The following CACNA1E variants were observed in gnomAD, a reference collection of about 807,000 sequenced individuals.
CACNA1E encodes calcium voltage-gated channel subunit alpha1 E.
CACNA1E carries 40 observed loss-of-function variants against 259.2 expected under a neutral mutation model. The observed-to-expected ratio is 0.15, with a 90% CI of 0.12 to 0.20. CACNA1E has a LOEUF of 0.20. CACNA1E is among the 10% of genes least tolerant of loss of function. The probability of loss-of-function intolerance (pLI) is 1.00; values close to 1 mark genes in which losing one functional copy is unlikely to be tolerated. For missense variants in CACNA1E, 1,874 were observed against 3,040.1 expected (o/e 0.62, Z 9.02); for synonymous variants, 1,104 against 1,138.5 (o/e 0.97, Z 0.61).
intron 3 of CACNA1E, among the ~76,000 whole-genome samples, chr1:181,512,326 A>G (rs1267925633): frequency 6.6e-6 from 1 of 152,134 alleles, no homozygotes; most frequent in Non-Finnish European, 1.5e-5. Context: ...AAAGCTGGGC[A>G]CTGAGGAGTG....
Position 181,806,983 on chromosome 1 carries a change from G to C in CACNA1E, c.*8149G>C, listed in dbSNP as rs771061244. The C allele has an allele frequency of 5.3e-5, 8 of 152,030 alleles. No homozygotes were observed. The highest frequency in any genetic ancestry group is 1.2e-4 in the Non-Finnish European group (8 of 68,024). 9.4% of individuals were successfully genotyped at this position (152,030 alleles called of 1,614,324 possible). ...CCCAAGGACATCCTGGCTCTGAAAG[G>C]TTTTCTTTTGTTAAAAAATGCACTT... On this transcript the variant is annotated 3_prime_UTR_variant, in exon 48 of 48. Coordinates refer to ENST00000367573, the MANE Select transcript of CACNA1E (RefSeq NM_001205293.3).
At chr1:181,343,889 C>T (rs367744862) in intron 1 of CACNA1E, among the ~76,000 whole-genome samples, 81 of 152,120 alleles carry the variant, frequency 5.3e-4, no homozygotes, top group African/African-American at 1.8e-3. Flanking sequence ...CCTGGGTGGT[C>T]TGCCTCCCCG....
chr1:181,709,627 A>T (rs1653137322), intron 7 of CACNA1E, among the ~76,000 whole-genome samples: 1 of 151,326 alleles, frequency 6.6e-6, no homozygotes, highest in Non-Finnish European at 1.5e-5. Context: ...CCTCAGATTC[A>T]GTCTGCAGCT....
chr1:181,452,885 C>A (rs958399792), intron 2 of CACNA1E, among the ~76,000 whole-genome samples: 8 of 152,186 alleles, frequency 5.3e-5, no homozygotes, highest in African/African-American at 1.9e-4. Flanking sequence ...AACACCCTAC[C>A]ACCTTTTTCT....
At chr1:181,682,728 T>A (rs1436178323) in intron 7 of CACNA1E, among the ~76,000 whole-genome samples, 1 of 152,172 alleles carries the variant, frequency 6.6e-6, no homozygotes, top group African/African-American at 2.4e-5. Flanking sequence ...TGGCACGTCT[T>A]ACATGGCAGG....
upstream of CACNA1E, among the ~76,000 whole-genome samples, chr1:181,481,992 C>T (rs762549175): frequency 1.1e-4 from 17 of 152,168 alleles, no homozygotes; most frequent in Non-Finnish European, 2.4e-4. Flanking sequence ...CAGGAGACGT[C>T]GGGCAGGGCT....
At chr1:181,349,380 T>G (rs971767057) in intron 1 of CACNA1E, among the ~76,000 whole-genome samples, 8 of 152,136 alleles carry the variant, frequency 5.3e-5, no homozygotes, top group African/African-American at 1.9e-4. Flanking sequence ...GGAGCCCCAG[T>G]CTTGTTGGGA....
At chr1:181,671,755 G>C (rs570030012) in intron 7 of CACNA1E, among the ~76,000 whole-genome samples, 1 of 152,262 alleles carries the variant, frequency 6.6e-6, no homozygotes, top group East Asian at 1.9e-4. Context: ...AACAAAAACC[G>C]GAGCAATAGG....
At chr1:181,787,300 C>T (rs1227601067) in intron 43 of CACNA1E, among the ~76,000 whole-genome samples, 2 of 151,958 alleles carry the variant, frequency 1.3e-5, no homozygotes, top group South Asian at 2.1e-4. Context: ...TTAGTAGAGA[C>T]GGGGTTTCAC....
chr1:181,678,715 C>G (rs1649626350), intron 7 of CACNA1E, among the ~76,000 whole-genome samples: 1 of 152,126 alleles, frequency 6.6e-6, no homozygotes, highest in Admixed American at 6.5e-5. Context: ...CCTCATTCTT[C>G]ATTTAATTAG....
chr1:181,358,090 A>G (rs2101907343), intron 1 of CACNA1E, among the ~76,000 whole-genome samples: 1 of 152,194 alleles, frequency 6.6e-6, no homozygotes, highest in South Asian at 2.1e-4. Flanking sequence ...GAGGGGTTTG[A>G]CAACTCCTGC....
intron 6 of CACNA1E, among the ~76,000 whole-genome samples, chr1:181,600,201 G>A (rs1653601239): frequency 6.6e-6 from 1 of 152,206 alleles, no homozygotes; most frequent in African/African-American, 2.4e-5. Context: ...CAAAGTGGTT[G>A]CTTGGCAGGT....
intron 25 of CACNA1E, 87 bp from the exon 26 acceptor site, chr1:181,750,389 A>T: frequency 8.7e-7 from 1 of 1,152,924 alleles, no homozygotes; most frequent in Non-Finnish European, 1.3e-6. Context: ...AAGTGTTCTG[A>T]CTGTCTTTCT....
intron 6 of CACNA1E, among the ~76,000 whole-genome samples, chr1:181,636,952 A>G (rs1277145750): frequency 1.3e-5 from 2 of 152,202 alleles, no homozygotes; most frequent in Non-Finnish European, 2.9e-5. Flanking sequence ...AACCTTCTCC[A>G]AAGAGGCTGC....
At chr1:181,626,226 C>T (rs182958451) in intron 6 of CACNA1E, among the ~76,000 whole-genome samples, 4 of 152,208 alleles carry the variant, frequency 2.6e-5, no homozygotes, top group African/African-American at 4.8e-5. Flanking sequence ...AAACACGAAG[C>T]GAGCATGTGC....
chr1:181,753,615 C>T (rs1402308080), intron 27 of CACNA1E, among the ~76,000 whole-genome samples: 1 of 152,182 alleles, frequency 6.6e-6, no homozygotes, highest in Admixed American at 6.5e-5. Context: ...GGCCTGCTCT[C>T]CCAAGCCTGC....
At chr1:181,323,484 A>C (rs1388347819) in intron 1 of CACNA1E, among the ~76,000 whole-genome samples, 1 of 152,132 alleles carries the variant, frequency 6.6e-6, no homozygotes, top group Non-Finnish European at 1.5e-5. Flanking sequence ...GCCCCTTCCC[A>C]TGTTAGGATC....
intron 38 of CACNA1E, among the ~76,000 whole-genome samples, chr1:181,778,037 TCCATGAGG>T (rs1440678569): frequency 6.6e-6 from 1 of 152,216 alleles, no homozygotes; most frequent in African/African-American, 2.4e-5. Context: ...AAGAAATGAT[TCCATGAGG>T]ATGAATCATG....
chr1:181,783,877 T>C, intron 40 of CACNA1E, 93 bp downstream of exon 40: 1 of 815,030 alleles, frequency 1.2e-6, no homozygotes. Context: ...CTGTCATCTA[T>C]CCAGTTAAGG....
Sources: allele counts gnomAD v4.1 joint callset (sites outside exome capture counted in the v4.1 genomes callset), GRCh38; gene constraint gnomAD v4.1.1; transcripts MANE v1.5; gene names NCBI Gene and HGNC (gene_info 2026-07-23, HGNC 2026-07-21).